Variants in ZNF587B observed in about 807,000 individuals in gnomAD.
ZNF587B encodes the protein zinc finger protein 587B.
A neutral mutation model predicts 7.2 loss-of-function variants in ZNF587B; 6 were observed. The observed-to-expected ratio is 0.83, with a 90% CI of 0.46 to 1.65. ZNF587B has a LOEUF of 1.65. ZNF587B is among the 40% of genes most tolerant of loss of function. The probability of loss-of-function intolerance (pLI) is 0.01; values close to 1 mark genes in which losing one functional copy is unlikely to be tolerated. For missense variants in ZNF587B, 749 were observed against 761.0 expected (o/e 0.98, Z 0.19); for synonymous variants, 274 against 254.3 (o/e 1.08, Z -0.74).
rs1042934174 is a variant in ZNF587B at position 57,840,743 on chromosome 19, G to A, written c.164-95G>A. 9.1e-5 allele frequency: 147 copies of A among 1,609,366 alleles called. 1 individual carries two copies. The highest frequency in any genetic ancestry group is 1.2e-4 in the Non-Finnish European group (143 of 1,178,288). On this transcript the variant is annotated intron_variant, in intron 2 of 2. Coordinates refer to ENST00000594901, the MANE Select transcript of ZNF587B (RefSeq NM_001376223.1). Reference sequence around the variant, plus strand: ...ATCCTGTTCCTCCAAGTAGTTCCTTGGAGTAATTCCTCAGTTTTTCACATA... The same window carrying A: ...ATCCTGTTCCTCCAAGTAGTTCCTTAGAGTAATTCCTCAGTTTTTCACATA...
In ZNF587B at chr19:57,843,375, T is replaced by C; in HGVS notation, c.*799T>C. On this transcript the variant is annotated 3_prime_UTR_variant, in exon 3 of 3. Transcript: ENST00000594901. ...TTGAAAAAACTCCAGGCATGTGGCA[T>C]CTGTATTATATTTTTTACTATGCCC... 1.0e-6 allele frequency: 1 copy of C among 985,374 alleles called. No individual in the cohort carries two copies. Among genetic ancestry groups the C allele is most frequent in the Non-Finnish European group, 1.2e-6 (1 of 829,912 alleles). 61.0% of individuals were successfully genotyped at this position (985,374 alleles called of 1,614,324 possible).
rs1002106867 is a variant in ZNF587B, at chr19:57,845,554, C to T, written c.*2978C>T. 6.6e-6 allele frequency: 1 copy of T among 152,160 alleles called. No homozygotes were observed. The highest frequency in any genetic ancestry group is 1.5e-5 in the Non-Finnish European group (1 of 68,048). The allele number at this position is 152,160 out of a possible 1,614,324, so 9.4% of individuals were successfully genotyped here. A position where few individuals can be genotyped will look rare whatever the true frequency, so the allele number is the denominator to read the frequency against. On this transcript the variant is annotated 3_prime_UTR_variant, in exon 3 of 3. Coordinates refer to ENST00000594901, the MANE Select transcript of ZNF587B (RefSeq NM_001376223.1). ...TGACCAGCCAGTGATCCAGTTCAAT[C>T]AGGTAGAAATGACCTTCCTGCTACA... is the stretch of plus-strand genomic sequence containing the variant.
intron 1 of ZNF587B, among the ~76,000 whole-genome samples, chr19:57,836,072 G>T (rs1194332783): frequency 6.6e-6 from 1 of 151,844 alleles, no homozygotes; most frequent in African/African-American, 2.4e-5. Context: ...TGAATGTAGG[G>T]TGTATCAGAG....
At chr19:57,830,817 T>C (rs956750455) in intron 1 of ZNF587B, among the ~76,000 whole-genome samples, 2 of 151,856 alleles carry the variant, frequency 1.3e-5, no homozygotes, top group African/African-American at 4.8e-5. Context: ...AAAAAATCCG[T>C]TTATTTAGCC....
chr19:57,831,926 G>A (rs1988418602), intron 1 of ZNF587B, among the ~76,000 whole-genome samples: 1 of 150,600 alleles, frequency 6.6e-6, no homozygotes, highest in African/African-American at 2.4e-5. Context: ...GCCTGGTTTC[G>A]AACTCCCGAG....
chr19:57,838,615 C>CA lies in ZNF587B; in HGVS notation c.37-401dup, dbSNP rs1262161256. Among the ~76,000 whole-genome samples, 4 of 151,814 alleles carry CA rather than the reference C, an allele frequency of 2.6e-5. No individual in the cohort carries two copies. In the South Asian group the frequency reaches 8.3e-4, roughly 31 times the overall value. On this transcript the variant is annotated intron_variant, in intron 1 of 2. Transcript: ENST00000594901. ...ACTCCATCTCAAACAAACAAACAAA[C>CA]AAAAAAAGATACTTTAAGTTGTTTA...
At position 57,841,234 on chromosome 19, in the gene ZNF587B, A is replaced by C; in HGVS notation, c.560A>C (p.Gln187Pro). 1 of 1,614,188 alleles carries C rather than the reference A, an allele frequency of 6.2e-7. No individual in the cohort carries two copies. Among genetic ancestry groups the C allele is most frequent in the South Asian group, 1.1e-5 (1 of 91,080 alleles). Residue 187 changes from glutamine (Q) to proline (P), a missense_variant, in exon 3 of 3, where the codon CAG becomes CCG. Gln to Pro is a moderately conservative substitution (Grantham distance 76, BLOSUM62 -1). Coordinates refer to ENST00000594901, the MANE Select transcript of ZNF587B (RefSeq NM_001376223.1). ...TTTTTGCCCAGGTCAGGATTACTCC[A>C]GCAGGAGGCCAGTCACACTGGGGAG... ...KDFLPRSGLL[Q>P]QEASHTGEKS...
At position 57,843,082 on chromosome 19, in the gene ZNF587B, G is replaced by A. The variant is rs1476554146; in HGVS notation, c.*506G>A. On this transcript the variant is annotated 3_prime_UTR_variant, in exon 3 of 3. Coordinates refer to ENST00000594901, the MANE Select transcript of ZNF587B (RefSeq NM_001376223.1). ...GCGATCGTAGCTCACTGCATCCTCC[G>A]CCCCCTAGGCTCAAGTGATCTTCCC... 5.8e-5 allele frequency: 43 copies of A among 740,784 alleles called. No homozygotes were observed. Among genetic ancestry groups the A allele is most frequent in the African/African-American group, 1.1e-4 (6 of 52,410 alleles). The allele number at this position is 740,784 out of a possible 1,614,324, so 45.9% of individuals were successfully genotyped here.
Position 57,841,531 on chromosome 19 carries a change from T to G in ZNF587B, c.857T>G (p.Ile286Ser). The G allele has an allele frequency of 6.3e-7, 1 of 1,582,692 alleles. No individual in the cohort carries two copies. Among genetic ancestry groups the G allele is most frequent in the Non-Finnish European group, 8.6e-7 (1 of 1,163,808 alleles). The part of the protein sequence containing the change: ...EKSFSQKSSL[I>S]QHQQFHTGGK... ...TCTTTTAGTCAAAAGAGCAGCCTCA[T>G]TCAACATCAGCAATTTCACACTGGA... Residue 286 changes from isoleucine (I) to serine (S), a missense_variant, in exon 3 of 3, where the codon ATT becomes AGT. Ile to Ser is a moderately radical substitution (Grantham distance 142). This residue lies in a region of ZNF587B where 656 missense variants were observed against 596.5 expected (regional missense o/e 1.10). Coordinates refer to ENST00000594901, the MANE Select transcript of ZNF587B (RefSeq NM_001376223.1).
intron 1 of ZNF587B, among the ~76,000 whole-genome samples, chr19:57,837,877 G>T (rs929564142): frequency 6.6e-6 from 1 of 151,904 alleles, no homozygotes; most frequent in Non-Finnish European, 1.5e-5. Flanking sequence ...GAGCCACCAC[G>T]CCTGGCTCAA....
rs1988333379 is a variant in ZNF587B, at chr19:57,830,520, C to T, written c.-9C>T. 1.9e-6 allele frequency: 3 copies of T among 1,549,364 alleles called. No homozygotes were observed. Among genetic ancestry groups the T allele is most frequent in the Non-Finnish European group, 1.7e-6 (2 of 1,147,046 alleles). Reference sequence around the variant, plus strand: ...CTCCTCCCAACCCTGCTTTAAACCACGTGGTTCGATGGCGGTGGTGGCCAC... The same window carrying T: ...CTCCTCCCAACCCTGCTTTAAACCATGTGGTTCGATGGCGGTGGTGGCCAC... On this transcript the variant is annotated 5_prime_UTR_variant, in exon 1 of 3. It adds an upstream start codon to the 5' untranslated region. Coordinates refer to ENST00000594901, the MANE Select transcript of ZNF587B (RefSeq NM_001376223.1).
rs111419079 is a variant in ZNF587B at position 57,845,944 on chromosome 19, G to C, written c.*3368G>C. The C allele has an allele frequency of 4.6e-5, 7 of 152,210 alleles. 1 individual carries two copies. The highest frequency in any genetic ancestry group is 1.7e-4 in the African/African-American group (7 of 41,526). 9.4% of individuals were successfully genotyped at this position (152,210 alleles called of 1,614,324 possible). A position where few individuals can be genotyped will look rare whatever the true frequency, so the allele number is the denominator to read the frequency against. ...GATTGCAACGCTGCAGTCCAGCCTG[G>C]GTGATAGAGTGAGACCCCATCTTAA... On this transcript the variant is annotated 3_prime_UTR_variant, in exon 3 of 3. Transcript: ENST00000594901.
intron 1 of ZNF587B, among the ~76,000 whole-genome samples, chr19:57,835,774 C>T (rs1469526979): frequency 7.1e-6 from 1 of 140,060 alleles, no homozygotes; most frequent in African/African-American, 2.8e-5. Context: ...GGGTTGTTTT[C>T]ACCATGCTCA....
intron 1 of ZNF587B, among the ~76,000 whole-genome samples, chr19:57,838,186 A>T (rs1282532519): frequency 6.6e-6 from 1 of 151,952 alleles, no homozygotes; most frequent in Non-Finnish European, 1.5e-5. Context: ...GCACACCTGT[A>T]ATCCCAGCTG....
chr19:57,844,213 T>C lies in ZNF587B; in HGVS notation c.*1637T>C, dbSNP rs576509222. 1 of 437,524 alleles carries C rather than the reference T, an allele frequency of 2.3e-6. No individual in the cohort carries two copies. The highest frequency in any genetic ancestry group is 2.1e-5 in the African/African-American group (1 of 48,640). 27.1% of individuals were successfully genotyped at this position (437,524 alleles called of 1,614,324 possible). ...CTTGTGCTGACTTGAAAAGATGGAC[T>C]ATTTTGGCTAAGCATGGTGGCTCAT... On this transcript the variant is annotated 3_prime_UTR_variant, in exon 3 of 3. Transcript: ENST00000594901.
In ZNF587B at chr19:57,845,333, GATGGAT is replaced by G. The variant is rs1989024684; in HGVS notation, c.*2759_*2764del. The G allele has an allele frequency of 6.6e-6, 1 of 152,190 alleles. No homozygotes were observed. The highest frequency in any genetic ancestry group is 2.4e-5 in the African/African-American group (1 of 41,438). The allele number at this position is 152,190 out of a possible 1,614,324, so 9.4% of individuals were successfully genotyped here. On this transcript the variant is annotated 3_prime_UTR_variant, in exon 3 of 3. Coordinates refer to ENST00000594901, the MANE Select transcript of ZNF587B (RefSeq NM_001376223.1). Reference sequence around the variant, plus strand: ...ACAGTTATCCAGTCACTGTGTCTGTGATGGATAAGCAGATACAGAAATTCTCAAGAC... The same window carrying G: ...ACAGTTATCCAGTCACTGTGTCTGTGAAGCAGATACAGAAATTCTCAAGAC...
intron 1 of ZNF587B, among the ~76,000 whole-genome samples, chr19:57,831,473 AT>A (rs1201561332): frequency 6.6e-6 from 1 of 152,046 alleles, no homozygotes; most frequent in Non-Finnish European, 1.5e-5. Flanking sequence ...GCTCACCGCA[AT>A]CTCCGCCTCC....
In ZNF587B at chr19:57,843,313, A is replaced by G. The variant is rs1216558301; in HGVS notation, c.*737A>G. 2 of 985,272 alleles carry G rather than the reference A, an allele frequency of 2.0e-6. No homozygotes were observed. Among genetic ancestry groups the G allele is most frequent in the Non-Finnish European group, 2.4e-6 (2 of 829,936 alleles). 61.0% of individuals were successfully genotyped at this position (985,272 alleles called of 1,614,324 possible). A position where few individuals can be genotyped will look rare whatever the true frequency, so the allele number is the denominator to read the frequency against. On this transcript the variant is annotated 3_prime_UTR_variant, in exon 3 of 3. Transcript: ENST00000594901. ...AGCCAATTATGTTTTTCTGTGTAAC[A>G]TGGGAGGAGATCCTTTGAGGGCACC... is the stretch of plus-strand genomic sequence containing the variant.
Position 57,844,247 on chromosome 19 carries a change from TC to T in ZNF587B, c.*1674del. 2.3e-6 allele frequency: 1 copy of T among 435,098 alleles called. No individual in the cohort carries two copies. The highest frequency in any genetic ancestry group is 4.6e-6 in the Non-Finnish European group (1 of 218,820). The allele number at this position is 435,098 out of a possible 1,614,324, so 27.0% of individuals were successfully genotyped here. A position where few individuals can be genotyped will look rare whatever the true frequency, so the allele number is the denominator to read the frequency against. ...TAAGCATGGTGGCTCATGCCTGTAA[TC>T]CCAACACTTTGGGAGGCCGAGGTGG... is the stretch of plus-strand genomic sequence containing the variant. On this transcript the variant is annotated 3_prime_UTR_variant, in exon 3 of 3. Coordinates refer to ENST00000594901, the MANE Select transcript of ZNF587B (RefSeq NM_001376223.1).
Sources: allele counts gnomAD v4.1 joint callset (sites outside exome capture counted in the v4.1 genomes callset), GRCh38; gene constraint gnomAD v4.1.1; regional missense constraint gnomAD v4.1.1; transcripts MANE v1.5; gene names NCBI Gene and HGNC (gene_info 2026-07-23, HGNC 2026-07-21).